The following ROBO4 variants were observed in gnomAD, a reference collection of about 807,000 sequenced individuals.
The protein encoded by ROBO4 is roundabout homolog 4.
In ROBO4, 80 loss-of-function variants were observed where a neutral mutation model predicts 103.3. That is an observed-to-expected ratio of 0.77 (90% CI 0.65 to 0.93). ROBO4 has a LOEUF of 0.93. Ranked by LOEUF, ROBO4 falls within the 40% of genes least tolerant of loss-of-function variation. The probability of loss-of-function intolerance (pLI) is 0.00; values close to 1 mark genes in which losing one functional copy is unlikely to be tolerated. For synonymous variants in ROBO4, 504 were observed against 529.7 expected, an observed-to-expected ratio of 0.95 and a Z score of 0.67; for missense variants, 1,333 against 1,305.3, an observed-to-expected ratio of 1.02 and a Z score of -0.33.
chr11:124,895,262 G>C, intron 6 of ROBO4, 69 bp from the exon 7 acceptor site: 1 of 1,328,642 alleles, frequency 7.5e-7, no homozygotes, highest in Non-Finnish European at 1.1e-6. Flanking sequence ...AGCTGGGCTG[G>C]GGGACACAGC....
chr11:124,894,487 T>G, intron 7 of ROBO4, 118 bp from the exon 8 acceptor site: 2 of 977,948 alleles, frequency 2.0e-6, no homozygotes, highest in Non-Finnish European at 2.9e-6. Flanking sequence ...ACTTGGGGAA[T>G]GCACCCAATT....
Position 124,885,224 on chromosome 11 carries a change from G to A in ROBO4, c.2818C>T (p.Arg940Trp), listed in dbSNP as rs774597376. Residue 940 changes from arginine (R) to tryptophan (W), a missense_variant, in exon 17 of 18, where the codon CGG (arginine) becomes TGG (tryptophan). Arg to Trp is a moderately radical substitution (Grantham distance 101). Coordinates refer to ENST00000306534, the MANE Select transcript of ROBO4 (RefSeq NM_019055.6). ...FIDASSPPSP[R>W]DEIFLTPNLS... ...TTGGGGGTCAGGAAGATCTCATCCCGTGGGGAGGGAGGTGATGAGGCATCT... is the reference window on the plus strand; with the variant it reads ...TTGGGGGTCAGGAAGATCTCATCCCATGGGGAGGGAGGTGATGAGGCATCT... The A allele has an allele frequency of 2.0e-5, 33 of 1,612,422 alleles. No individual in the cohort carries two copies. Among genetic ancestry groups the A allele is most frequent in the South Asian group, 1.8e-4 (16 of 91,092 alleles).
chr11:124,893,949 GC>G lies in ROBO4; in HGVS notation c.1414del (p.Ala472ProfsTer42). Reference protein sequence around the residue: ...RATLKRPEVIATCGVALWLLL... With the variant: ...RATLKRPEVIXTCGVALWLLL... ...CAGCCAGAGTGCAACACCGCAGGTGGCAATGACCTCAGGCCGCTTCAAGGTA... is the reference window on the plus strand; with the variant it reads ...CAGCCAGAGTGCAACACCGCAGGTGGAATGACCTCAGGCCGCTTCAAGGTA... On this transcript the variant is annotated frameshift_variant, in exon 9 of 18. Coordinates refer to ENST00000306534, the MANE Select transcript of ROBO4 (RefSeq NM_019055.6). LOFTEE classifies it high-confidence loss of function. The G allele has an allele frequency of 6.2e-7, 1 of 1,609,322 alleles. No individual in the cohort carries two copies. The highest frequency in any genetic ancestry group is 8.5e-7 in the Non-Finnish European group (1 of 1,178,716).
rs767763306 is a variant in ROBO4 at position 124,891,759 on chromosome 11, A to C, written c.1591T>G (p.Ser531Ala). ...CTCAGGTCCCGAGAGCCAGAGGTGGAACGCCAAGTGTCTGCCAACCACTGG... is the reference window on the plus strand; with the variant it reads ...CTCAGGTCCCGAGAGCCAGAGGTGGCACGCCAAGTGTCTGCCAACCACTGG... Reference protein sequence around the residue: ...DSQWLADTWRSTSGSRDLSSS... With the variant: ...DSQWLADTWRATSGSRDLSSS... Residue 531 changes from serine (S) to alanine (A), a missense_variant, in exon 11 of 18, where the codon TCC (serine) becomes GCC (alanine). By Grantham distance (99) the Ser-to-Ala change is moderately conservative. Coordinates refer to ENST00000306534, the MANE Select transcript of ROBO4 (RefSeq NM_019055.6). 6.2e-7 allele frequency: 1 copy of C among 1,614,196 alleles called. No individual in the cohort carries two copies. The highest frequency in any genetic ancestry group is 8.5e-7 in the Non-Finnish European group (1 of 1,180,036).
chr11:124,891,626 T>C (rs1946799631), intron 11 of ROBO4, 40 bp downstream of exon 11: 1 of 1,614,054 alleles, frequency 6.2e-7, no homozygotes, highest in African/African-American at 1.3e-5. Context: ...CTGAGATCAC[T>C]GCCCCCAGCT....
At chr11:124,888,667 C>T (rs1250942618) in intron 12 of ROBO4, among the ~76,000 whole-genome samples, 1 of 152,194 alleles carries the variant, frequency 6.6e-6, no homozygotes, top group Non-Finnish European at 1.5e-5. Context: ...TCATCTGGCC[C>T]ACATGGGCAG....
In ROBO4 at chr11:124,895,915, G is replaced by A. The variant is rs1264844172; in HGVS notation, c.680-3C>T. The A allele has an allele frequency of 3.7e-6, 6 of 1,613,634 alleles. No individual in the cohort carries two copies. The highest frequency in any genetic ancestry group is 5.1e-6 in the Non-Finnish European group (6 of 1,180,022). On this transcript the variant is annotated splice_region_variant and splice_polypyrimidine_tract_variant and intron_variant, in intron 4 of 17. Coordinates refer to ENST00000306534, the MANE Select transcript of ROBO4 (RefSeq NM_019055.6). The stretch of plus-strand genomic sequence containing the variant: ...AGGCTCCGTGTAGTCCTGGGGCTCT[G>A]TGGGGAGGATAGGGCTGGGCTGGGG...
chr11:124,886,918 A>G lies in ROBO4; in HGVS notation c.2435+59T>C, dbSNP rs540187743. 8.5e-5 allele frequency: 132 copies of G among 1,555,402 alleles called. No individual in the cohort carries two copies. In the East Asian group the frequency reaches 2.3e-3, roughly 27 times the overall value. ...AGTTGAGGGAGGGCGGAATGGGTGG[A>G]GAGGCGCTTGCCCCCACAGCTTTTC... is the stretch of plus-strand genomic sequence containing the variant. On this transcript the variant is annotated intron_variant, in intron 15 of 17. Transcript: ENST00000306534.
At position 124,893,629 on chromosome 11, in the gene ROBO4, G is replaced by T. The variant is rs938383291; in HGVS notation, c.1547+59C>A. On this transcript the variant is annotated intron_variant, in intron 10 of 17. Transcript: ENST00000306534. ...GACTAGTACTCCATTCTTCTCTGTT[G>T]CAGCTCCACTGTCCCTTGCCACCCT... 10 of 1,490,018 alleles carry T rather than the reference G, an allele frequency of 6.7e-6. No homozygotes were observed. In the African/African-American group the frequency reaches 1.4e-4, roughly 21 times the overall value. The allele number at this position is 1,490,018 out of a possible 1,614,324, so 92.3% of individuals were successfully genotyped here.
rs773417112 is a variant in ROBO4 at position 124,893,847 on chromosome 11, C to G, written c.1504+13G>C. ...GAGGCCTGTATACATGTGGGTCCCCCTCAGACTCTCACCTGGGCCCAGGTG... is the reference window on the plus strand; with the variant it reads ...GAGGCCTGTATACATGTGGGTCCCCGTCAGACTCTCACCTGGGCCCAGGTG... On this transcript the variant is annotated intron_variant, in intron 9 of 17. Coordinates refer to ENST00000306534, the MANE Select transcript of ROBO4 (RefSeq NM_019055.6). The G allele has an allele frequency of 5.6e-6, 9 of 1,612,920 alleles. No homozygotes were observed. In the Admixed American group the frequency reaches 1.3e-4, roughly 24 times the overall value.
At chr11:124,890,365 A>G (rs962791953) in intron 12 of ROBO4, among the ~76,000 whole-genome samples, 2 of 152,248 alleles carry the variant, frequency 1.3e-5, no homozygotes, top group African/African-American at 4.8e-5. Flanking sequence ...GTTAGGTCTT[A>G]CTAATTAGTA....
In ROBO4 at chr11:124,887,757, A is replaced by T. The variant is rs1946739509; in HGVS notation, c.2032T>A (p.Ser678Thr). The change falls in exon 13 of 18, where the codon TCC becomes ACC. Residue 678 changes from serine to threonine, a missense_variant. Ser to Thr is a moderately conservative substitution (Grantham distance 58, BLOSUM62 1). Transcript: ENST00000306534. Reference protein sequence around the residue: ...LRACELGNRGSKNLSQSPGAV... With the variant: ...LRACELGNRGTKNLSQSPGAV... ...CCTGGGCTTTGGGAAAGGTTCTTGGAACCTCTATTTCCTAACTCACAGGCC... is the reference window on the plus strand; with the variant it reads ...CCTGGGCTTTGGGAAAGGTTCTTGGTACCTCTATTTCCTAACTCACAGGCC... 1.2e-6 allele frequency: 2 copies of T among 1,614,000 alleles called. No individual in the cohort carries two copies. The highest frequency in any genetic ancestry group is 1.7e-6 in the Non-Finnish European group (2 of 1,179,946).
chr11:124,894,420 C>T, intron 7 of ROBO4, 51 bp from the exon 8 acceptor site: 1 of 1,565,172 alleles, frequency 6.4e-7, no homozygotes, highest in South Asian at 1.2e-5. Context: ...TCCCAGAAGC[C>T]AAGCCCTTTA....
rs200495019 is a variant in ROBO4, at chr11:124,886,994, C to T, written c.2418G>A (p.Glu806=). The T allele has an allele frequency of 2.3e-5, 37 of 1,612,016 alleles. No individual in the cohort carries two copies. The East Asian group carries it at 6.5e-4, about 28-fold the overall frequency. ...EEVALCLELS[E]GEETPRNSVS... ...CTACTCACCTGGGAGTCTCCTCACC[C>T]TCACTGAGTTCCAAGCACAGGGCTA... is the stretch of plus-strand genomic sequence containing the variant. Residue 806 remains glutamate (E), a synonymous_variant, in exon 15 of 18, where the codon GAG becomes GAA. Coordinates refer to ENST00000306534, the MANE Select transcript of ROBO4 (RefSeq NM_019055.6).
At chr11:124,895,987 C>G in intron 4 of ROBO4, 75 bp from the exon 5 acceptor site, 1 of 1,590,518 alleles carries the variant, frequency 6.3e-7, no homozygotes, top group Non-Finnish European at 8.6e-7. Flanking sequence ...ATCCCTCAGC[C>G]AGGGAGGAAC....
At position 124,891,764 on chromosome 11, in the gene ROBO4, C is replaced by T; in HGVS notation, c.1586G>A (p.Trp529Ter). 6.2e-7 allele frequency: 1 copy of T among 1,614,142 alleles called. No individual in the cohort carries two copies. Among genetic ancestry groups the T allele is most frequent in the Admixed American group, 1.7e-5 (1 of 60,022 alleles). ...HSDSQWLADT[W>*]RSTSGSRDLS... The stretch of plus-strand genomic sequence containing the variant: ...GTCCCGAGAGCCAGAGGTGGAACGC[C>T]AAGTGTCTGCCAACCACTGGGAGTC... Residue 529 changes from tryptophan to a stop codon, truncating the protein, a stop_gained, in exon 11 of 18, where the codon TGG becomes TAG. Transcript: ENST00000306534. LOFTEE classifies it high-confidence loss of function.
rs750694224 is a variant in ROBO4, at chr11:124,887,843, G to C, written c.1949-3C>G. The stretch of plus-strand genomic sequence containing the variant: ...GGAACTGTTGGCATGCTGCAGCTCT[G>C]CAAAGAAAGGGTTGGTGGTTGTGGG... On this transcript the variant is annotated splice_region_variant and splice_polypyrimidine_tract_variant and intron_variant, in intron 12 of 17. Coordinates refer to ENST00000306534, the MANE Select transcript of ROBO4 (RefSeq NM_019055.6). 1 of 1,611,070 alleles carries C rather than the reference G, an allele frequency of 6.2e-7. No individual in the cohort carries two copies. Among genetic ancestry groups the C allele is most frequent in the South Asian group, 1.1e-5 (1 of 90,838 alleles).
chr11:124,890,965 G>A (rs1360131968), intron 12 of ROBO4, among the ~76,000 whole-genome samples: 1 of 152,202 alleles, frequency 6.6e-6, no homozygotes, highest in African/African-American at 2.4e-5. Context: ...AGAAGTCAGG[G>A]GCTGTGTCTG....
In ROBO4 at chr11:124,897,236, G is replaced by A. The variant is rs142256084; in HGVS notation, c.96C>T (p.Pro32=). 9 of 1,458,646 alleles carry A rather than the reference G, an allele frequency of 6.2e-6. No homozygotes were observed. In the Admixed American group the frequency reaches 8.3e-5, roughly 14 times the overall value. 90.4% of individuals were successfully genotyped at this position (1,458,646 alleles called of 1,614,324 possible). Residue 32 remains proline (P), a synonymous_variant, in exon 2 of 18, where the codon CCC becomes CCT. Coordinates refer to ENST00000306534, the MANE Select transcript of ROBO4 (RefSeq NM_019055.6). ...GGTCCTGGGGGTGGACTAGGATCTG[G>A]GGCGGGGAGTCCTGAGCCATGCCTC... The part of the protein sequence containing the change: ...IMGGMAQDSP[P]QILVHPQDQL...
Sources: gnomAD v4.1 joint callset for allele counts (sites outside exome capture counted in the v4.1 genomes callset) on GRCh38, gnomAD v4.1.1 for gene constraint, MANE v1.5 for transcripts, NCBI Gene and HGNC (gene_info 2026-07-23, HGNC 2026-07-21) for gene names.